Variants in PIK3AP1 observed in about 807,000 individuals in gnomAD.
PIK3AP1 encodes the protein phosphoinositide-3-kinase adaptor protein 1, also known as phosphoinositide 3-kinase adapter protein 1.
A neutral mutation model predicts 88.1 loss-of-function variants in PIK3AP1; 21 were observed. That is an observed-to-expected ratio of 0.24 (90% CI 0.17 to 0.34). PIK3AP1 has a LOEUF of 0.34. PIK3AP1 is among the 10% of genes least tolerant of loss of function. PIK3AP1 has a pLI of 1.00. For missense variants in PIK3AP1, 828 were observed against 1,035.7 expected (o/e 0.80, Z 2.75); for synonymous variants, 398 against 400.0 (o/e 1.00, Z 0.06).
At chr10:96,665,017 C>T (rs17393077) in intron 2 of PIK3AP1, among the ~76,000 whole-genome samples, 1,731 of 152,256 alleles carry the variant, frequency 0.011, 20 homozygotes, top group South Asian at 0.042. Context: ...GACCACTTCC[C>T]GCTTTGAAGA....
intron 1 of PIK3AP1, among the ~76,000 whole-genome samples, chr10:96,718,285 T>C (rs1219590840): frequency 6.6e-6 from 1 of 152,206 alleles, no homozygotes; most frequent in Non-Finnish European, 1.5e-5. Flanking sequence ...TTTAAATGGA[T>C]GAATTGTATG....
intron 14 of PIK3AP1, among the ~76,000 whole-genome samples, chr10:96,606,889 C>T (rs180873197): frequency 1.3e-5 from 2 of 152,066 alleles, no homozygotes; most frequent in African/African-American, 2.4e-5. Flanking sequence ...AAGTATAATA[C>T]GATTCTTAAG....
intron 8 of PIK3AP1, among the ~76,000 whole-genome samples, chr10:96,636,458 C>A (rs1843314195): frequency 6.6e-6 from 1 of 151,976 alleles, no homozygotes; most frequent in Non-Finnish European, 1.5e-5. Context: ...ATATGACAAC[C>A]CCACATGTAC....
chr10:96,714,035 A>G (rs867520838), intron 1 of PIK3AP1, among the ~76,000 whole-genome samples: 10 of 152,282 alleles, frequency 6.6e-5, no homozygotes, highest in African/African-American at 2.4e-4. Context: ...TTAGCCGGGC[A>G]TGGTGGCATG....
At chr10:96,601,726 G>A (rs1848900209) in intron 16 of PIK3AP1, among the ~76,000 whole-genome samples, 2 of 152,092 alleles carry the variant, frequency 1.3e-5, no homozygotes, top group Non-Finnish European at 1.5e-5. Context: ...TAGCCAAACT[G>A]ATAAAAACAA....
intron 14 of PIK3AP1, among the ~76,000 whole-genome samples, chr10:96,605,510 A>G (rs537130314): frequency 1.3e-5 from 2 of 152,330 alleles, no homozygotes; most frequent in South Asian, 4.1e-4. Flanking sequence ...AAAAATAAGG[A>G]GATCTTAACT....
At chr10:96,611,195 C>G (rs1564953975) in intron 13 of PIK3AP1, among the ~76,000 whole-genome samples, 1 of 152,230 alleles carries the variant, frequency 6.6e-6, no homozygotes. Flanking sequence ...CTTGCACAGG[C>G]ACCAGCCTTC....
chr10:96,662,744 C>T (rs1236750659), intron 2 of PIK3AP1, among the ~76,000 whole-genome samples: 7 of 147,726 alleles, frequency 4.7e-5, no homozygotes, highest in Non-Finnish European at 1.1e-4. Flanking sequence ...TAGCCGGGCG[C>T]GGTGGCGGGC....
intron 1 of PIK3AP1, among the ~76,000 whole-genome samples, chr10:96,711,138 G>T (rs1461631606): frequency 6.6e-6 from 1 of 152,150 alleles, no homozygotes; most frequent in Admixed American, 6.5e-5. Flanking sequence ...ACAGATGAAA[G>T]AAACATTTCA....
rs367935657 is a variant in PIK3AP1 at position 96,626,863 on chromosome 10, T to C, written c.1514A>G (p.His505Arg). 8.8e-5 allele frequency: 142 copies of C among 1,614,262 alleles called. No homozygotes were observed. Among genetic ancestry groups the C allele is most frequent in the Non-Finnish European group, 1.1e-4 (131 of 1,180,032 alleles). Reference protein sequence around the residue: ...GMTNLERDQCHLGQEEDVYHT... With the variant: ...GMTNLERDQCRLGQEEDVYHT... ...ATAAACATCTTCTTCCTGACCAAGA[T>C]GGCACTGATCTCTCTCCAGATTGGT... The change falls in exon 10 of 17, where the codon CAT (histidine) becomes CGT (arginine). Residue 505 changes from histidine to arginine, a missense_variant. This residue lies in a region of PIK3AP1 where 610 missense variants were observed against 760.1 expected (regional missense o/e 0.80). Coordinates refer to ENST00000339364, the MANE Select transcript of PIK3AP1 (RefSeq NM_152309.3).
chr10:96,614,613 G>A (rs1471476537), intron 13 of PIK3AP1, among the ~76,000 whole-genome samples: 1 of 152,100 alleles, frequency 6.6e-6, no homozygotes, highest in Non-Finnish European at 1.5e-5. Context: ...ACTGTGTTAG[G>A]CATGGTGGAA....
At chr10:96,696,762 T>C (rs1274438157) in intron 2 of PIK3AP1, among the ~76,000 whole-genome samples, 4 of 152,226 alleles carry the variant, frequency 2.6e-5, no homozygotes, top group Non-Finnish European at 5.9e-5. Flanking sequence ...AAGACTCAAC[T>C]TGAGCTAATG....
intron 13 of PIK3AP1, among the ~76,000 whole-genome samples, chr10:96,610,127 C>T (rs187449300): frequency 8.5e-5 from 13 of 152,232 alleles, no homozygotes; most frequent in Middle Eastern, 3.4e-3. Context: ...GACAGAGAAG[C>T]GCTTCTGCAT....
chr10:96,674,534 CTG>C (rs1843890402), intron 2 of PIK3AP1, among the ~76,000 whole-genome samples: 1 of 152,246 alleles, frequency 6.6e-6, no homozygotes, highest in East Asian at 1.9e-4. Flanking sequence ...TTCTACTAGA[CTG>C]TGATTTCTCT....
chr10:96,602,180 G>C (rs1008936773), intron 16 of PIK3AP1, 100 bp downstream of exon 16: 2 of 1,054,300 alleles, frequency 1.9e-6, no homozygotes, highest in South Asian at 1.4e-5. Context: ...ACTGCGCCCA[G>C]CTCTGCGCTT....
At chr10:96,596,625 A>T (rs1165778734) in intron 16 of PIK3AP1, among the ~76,000 whole-genome samples, 1 of 152,200 alleles carries the variant, frequency 6.6e-6, no homozygotes, top group Non-Finnish European at 1.5e-5. Context: ...GATAACTGTT[A>T]TCTCAACTGT....
chr10:96,695,661 G>C (rs573750410), intron 2 of PIK3AP1, among the ~76,000 whole-genome samples: 9 of 151,878 alleles, frequency 5.9e-5, no homozygotes, highest in Non-Finnish European at 1.0e-4. Context: ...AGAAGAAAAA[G>C]TACCAAGGAA....
At chr10:96,630,164 C>T (rs1205414238) in intron 8 of PIK3AP1, among the ~76,000 whole-genome samples, 2 of 152,036 alleles carry the variant, frequency 1.3e-5, no homozygotes, top group Non-Finnish European at 2.9e-5. Context: ...ATCCAAAAAA[C>T]ACACAAACAA....
At chr10:96,622,598 A>G (rs1351961603) in intron 11 of PIK3AP1, among the ~76,000 whole-genome samples, 2 of 152,194 alleles carry the variant, frequency 1.3e-5, no homozygotes, top group African/African-American at 4.8e-5. Flanking sequence ...TGCCCTTGTC[A>G]AGGCTCTCTT....
Sources: allele counts gnomAD v4.1 joint callset (sites outside exome capture counted in the v4.1 genomes callset), GRCh38; gene constraint gnomAD v4.1.1; regional missense constraint gnomAD v4.1.1; transcripts MANE v1.5; gene names NCBI Gene and HGNC (gene_info 2026-07-23, HGNC 2026-07-21).